Variants in FHIT observed in about 807,000 individuals in gnomAD.
FHIT encodes the protein fragile histidine triad diadenosine triphosphatase.
Under a neutral mutation model 17.9 loss-of-function variants are expected in FHIT, and 19 were observed. That is an observed-to-expected ratio of 1.06 (90% CI 0.74 to 1.56). FHIT has a LOEUF of 1.56. Among genes scored for constraint, FHIT ranks in the 40% most tolerant of loss-of-function variants. The pLI, the probability that FHIT is intolerant of heterozygous loss-of-function variation, is 0.00. For missense variants in FHIT, 248 were observed against 189.2 expected, an observed-to-expected ratio of 1.31 and a Z score of -1.82; for synonymous variants, 81 against 69.7, an observed-to-expected ratio of 1.16 and a Z score of -0.81.
At position 61,119,703 on chromosome 3, in the gene FHIT, C is replaced by A. The variant is rs192326573; in HGVS notation, c.-163-77604G>T. On this transcript the variant is annotated intron_variant, in intron 2 of 9. Coordinates refer to ENST00000492590, the MANE Select transcript of FHIT (RefSeq NM_002012.4). ...ATGCATGTGGCCATCATCCAATCCA[C>A]TGAGGGCGCAAATAAAACAAAAGGC... 4.7e-3 allele frequency among the ~76,000 whole-genome samples: 717 copies of A among 152,310 alleles called. 5 individuals are homozygous for A. Among genetic ancestry groups the A allele is most frequent in the Middle Eastern group, 0.02 (6 of 294 alleles).
chr3:61,124,106 T>C (rs977915167), intron 2 of FHIT, among the ~76,000 whole-genome samples: 1 of 152,174 alleles, frequency 6.6e-6, no homozygotes, highest in Non-Finnish European at 1.5e-5. Flanking sequence ...TCCTGTACGA[T>C]AGGCAACATG....
chr3:60,790,185 T>C (rs1553728130), intron 4 of FHIT, among the ~76,000 whole-genome samples: 1 of 152,198 alleles, frequency 6.6e-6, no homozygotes, highest in Non-Finnish European at 1.5e-5. Context: ...GTATTCATTG[T>C]CAGTGTTGTT....
chr3:60,962,719 T>C (rs1709522379), intron 3 of FHIT, among the ~76,000 whole-genome samples: 1 of 152,210 alleles, frequency 6.6e-6, no homozygotes, highest in Admixed American at 6.5e-5. Flanking sequence ...TCTGTTTATA[T>C]GATGGATTAT....
intron 5 of FHIT, among the ~76,000 whole-genome samples, chr3:60,385,571 T>C (rs886534309): frequency 6.6e-6 from 1 of 152,194 alleles, no homozygotes; most frequent in Non-Finnish European, 1.5e-5. Flanking sequence ...CTGAGTTAAA[T>C]ATTTATATAA....
At chr3:61,161,897 C>T (rs139470733) in intron 2 of FHIT, among the ~76,000 whole-genome samples, 1 of 152,276 alleles carries the variant, frequency 6.6e-6, no homozygotes, top group East Asian at 1.9e-4. Context: ...TTGTACAATA[C>T]GACCCTGATA....
In FHIT at chr3:60,873,138, GGAGAGAGAGAGAGAGA is replaced by G. The variant is rs71287128; in HGVS notation, c.-110-51143_-110-51128del. ...GAACAAGGCAGGGAGAGAGGGAGAG[GGAGAGAGAGAGAGAGA>G]GAGAGAGTGAGAGATCACACTACCA... On this transcript the variant is annotated intron_variant, in intron 3 of 9. Transcript: ENST00000492590. 2.0e-5 allele frequency among the ~76,000 whole-genome samples: 3 copies of G among 147,140 alleles called. No individual in the cohort carries two copies. In the South Asian group the frequency reaches 6.6e-4, roughly 32 times the overall value.
intron 1 of FHIT, among the ~76,000 whole-genome samples, chr3:61,242,828 C>A (rs2040404574): frequency 6.6e-6 from 1 of 152,118 alleles, no homozygotes; most frequent in Non-Finnish European, 1.5e-5. Flanking sequence ...ACCAAATGAG[C>A]CAGTTTATCA....
intron 8 of FHIT, among the ~76,000 whole-genome samples, chr3:59,802,003 A>T (rs1575519016): frequency 6.6e-6 from 1 of 151,914 alleles, no homozygotes; most frequent in East Asian, 1.9e-4. Context: ...TGTATCAAAT[A>T]CTCCCCCTTC....
At chr3:61,115,865 G>T (rs1399320404) in intron 2 of FHIT, among the ~76,000 whole-genome samples, 2 of 152,140 alleles carry the variant, frequency 1.3e-5, no homozygotes, top group Non-Finnish European at 2.9e-5. Context: ...ATGCAAGAAT[G>T]AAGCAATAGT....
Position 60,976,894 on chromosome 3 carries a change from T to A in FHIT, c.-111+65153A>T, listed in dbSNP as rs961137581. Among the ~76,000 whole-genome samples, 33 of 150,210 alleles carry A rather than the reference T, an allele frequency of 2.2e-4. No individual in the cohort carries two copies. The East Asian group carries it at 6.1e-3, about 28-fold the overall frequency. On this transcript the variant is annotated intron_variant, in intron 3 of 9. Transcript: ENST00000492590. ...CTCTGAATACTTGTTTTTTTTTTTT[T>A]ATTTTTAAAAAGGGACCTGAATTTC...
At chr3:60,305,765 G>A (rs213379) in intron 5 of FHIT, among the ~76,000 whole-genome samples, 1 of 152,050 alleles carries the variant, frequency 6.6e-6, no homozygotes, top group South Asian at 2.1e-4. Flanking sequence ...ATTTGTTTTG[G>A]AGGTGTCTGC....
In FHIT at chr3:60,582,322, T is replaced by A. The variant is rs148635968; in HGVS notation, c.-17-45343A>T. ...AATGTCTAATTGATGAATGCCCTCG[T>A]CAGAGCAGACTGGTGGCATTCAGAG... On this transcript the variant is annotated intron_variant, in intron 4 of 9. Transcript: ENST00000492590. Among the ~76,000 whole-genome samples the A allele has an allele frequency of 1.8e-3, 270 of 152,224 alleles. 1 individual carries two copies. The highest frequency in any genetic ancestry group is 3.1e-3 in the Non-Finnish European group (208 of 67,992).
chr3:60,608,273 C>A (rs1455656043), intron 4 of FHIT, among the ~76,000 whole-genome samples: 2 of 152,144 alleles, frequency 1.3e-5, no homozygotes, highest in Non-Finnish European at 2.9e-5. Flanking sequence ...TAGGCCTGAG[C>A]CAATTATTCT....
At chr3:60,673,616 C>T (rs970358650) in intron 4 of FHIT, among the ~76,000 whole-genome samples, 24 of 152,192 alleles carry the variant, frequency 1.6e-4, no homozygotes, top group African/African-American at 5.8e-4. Context: ...GTACAGCAAA[C>T]CACCATGGCA....
At chr3:60,062,837 T>C (rs1194575043) in intron 5 of FHIT, among the ~76,000 whole-genome samples, 1 of 152,160 alleles carries the variant, frequency 6.6e-6, no homozygotes, top group Non-Finnish European at 1.5e-5. Context: ...GTCATGTTCA[T>C]TAAACCATCT....
intron 8 of FHIT, among the ~76,000 whole-genome samples, chr3:59,780,644 C>G (rs1702541776): frequency 6.6e-6 from 1 of 152,076 alleles, no homozygotes; most frequent in Non-Finnish European, 1.5e-5. Context: ...GAAGGTGGAG[C>G]CCCAGGATGG....
At chr3:60,949,854 AT>A (rs1708802236) in intron 3 of FHIT, among the ~76,000 whole-genome samples, 1 of 152,334 alleles carries the variant, frequency 6.6e-6, no homozygotes, top group South Asian at 2.1e-4. Context: ...TCACTGCATC[AT>A]TTATAATAGT....
intron 5 of FHIT, among the ~76,000 whole-genome samples, chr3:60,232,113 C>T (rs924497292): frequency 5.3e-5 from 8 of 152,140 alleles, no homozygotes; most frequent in African/African-American, 1.2e-4. Context: ...GTATGTGCCA[C>T]ATTATTTTTC....
At chr3:60,029,783 TTGAGG>T (rs1297693054) in intron 5 of FHIT, among the ~76,000 whole-genome samples, 1 of 152,108 alleles carries the variant, frequency 6.6e-6, no homozygotes, top group Non-Finnish European at 1.5e-5. Context: ...CCTAATTGTT[TTGAGG>T]TAATTATCCT....
Sources: gnomAD v4.1 joint callset for allele counts (sites outside exome capture counted in the v4.1 genomes callset) on GRCh38, gnomAD v4.1.1 for gene constraint, MANE v1.5 for transcripts, NCBI Gene and HGNC (gene_info 2026-07-23, HGNC 2026-07-21) for gene names.